The following ZNF652 variants were observed in gnomAD, a reference collection of about 807,000 sequenced individuals.
ZNF652 encodes zinc finger protein 652.
ZNF652 carries 16 observed loss-of-function variants against 45.2 expected under a neutral mutation model. The observed-to-expected ratio is 0.35, with a 90% CI of 0.24 to 0.54. The LOEUF (loss-of-function observed/expected upper bound fraction) is 0.54. Among genes scored for constraint, ZNF652 ranks in the 20% least tolerant of loss-of-function variants. The probability of loss-of-function intolerance (pLI) is 0.91; values close to 1 mark genes in which losing one functional copy is unlikely to be tolerated. For synonymous variants in ZNF652, 250 were observed against 260.6 expected, an observed-to-expected ratio of 0.96 and a Z score of 0.39; for missense variants, 614 against 765.6, an observed-to-expected ratio of 0.80 and a Z score of 2.34.
chr17:49,350,622 C>A (rs1367040376), intron 1 of ZNF652, among the ~76,000 whole-genome samples: 1 of 151,444 alleles, frequency 6.6e-6, no homozygotes, highest in Non-Finnish European at 1.5e-5. Context: ...AACAGATTTT[C>A]TTTGATTCAA....
At chr17:49,312,448 G>A (rs1363854657) in intron 3 of ZNF652, among the ~76,000 whole-genome samples, 1 of 152,084 alleles carries the variant, frequency 6.6e-6, no homozygotes, top group Non-Finnish European at 1.5e-5. Flanking sequence ...TTACAGGTGT[G>A]AGCCACCACA....
chr17:49,324,740 T>G (rs959356324), intron 1 of ZNF652, among the ~76,000 whole-genome samples: 2 of 138,312 alleles, frequency 1.4e-5, no homozygotes, highest in Admixed American at 7.3e-5. Flanking sequence ...AGCACTTTTT[T>G]TTTTTTTTTT....
Position 49,362,007 on chromosome 17 carries a change from C to A in ZNF652, c.-357G>T, listed in dbSNP as rs1217171128. On this transcript the variant is annotated 5_prime_UTR_variant, in exon 1 of 6. Transcript: ENST00000430262. ...GCCGCGGCGCTCGAGTCACAACCGC[C>A]GGCTGGGCCAGCCCCTCCCCCCCTG... 2.0e-5 allele frequency: 3 copies of A among 149,510 alleles called. No individual in the cohort carries two copies. Among genetic ancestry groups the A allele is most frequent in the Non-Finnish European group, 4.5e-5 (3 of 66,878 alleles). 9.3% of individuals were successfully genotyped at this position (149,510 alleles called of 1,614,324 possible). A position where few individuals can be genotyped will look rare whatever the true frequency, so the allele number is the denominator to read the frequency against.
intron 2 of ZNF652, 123 bp from the exon 3 acceptor site, chr17:49,312,968 TTCTTC>T (rs2069738295): frequency 3.3e-6 from 3 of 906,154 alleles, no homozygotes; most frequent in Admixed American, 2.5e-5. Flanking sequence ...ATAAGTGCTA[TTCTTC>T]CACAGAGCCC....
intron 1 of ZNF652, among the ~76,000 whole-genome samples, chr17:49,351,014 T>TATACACAC (rs2070273379): frequency 3.7e-4 from 11 of 29,696 alleles, no homozygotes; most frequent in Admixed American, 7.0e-4. Flanking sequence ...TATATATATA[T>TATACACAC]ACACACACAC....
intron 1 of ZNF652, among the ~76,000 whole-genome samples, chr17:49,344,021 A>G (rs1417448088): frequency 6.6e-6 from 1 of 151,986 alleles, no homozygotes; most frequent in Non-Finnish European, 1.5e-5. Context: ...ACACAGTGAA[A>G]CCCCGTCTCT....
chr17:49,330,366 C>T (rs938205507), intron 1 of ZNF652, among the ~76,000 whole-genome samples: 8 of 152,210 alleles, frequency 5.3e-5, no homozygotes, highest in Non-Finnish European at 1.2e-4. Flanking sequence ...GATCTCAGCT[C>T]ACTGCAATCT....
intron 1 of ZNF652, among the ~76,000 whole-genome samples, chr17:49,341,444 G>A (rs896251065): frequency 2.2e-5 from 3 of 137,886 alleles, no homozygotes; most frequent in Admixed American, 7.8e-5. Flanking sequence ...CTTGAGCCTC[G>A]GAGTTTTAGA....
chr17:49,358,260 C>T (rs1410689443), intron 1 of ZNF652, among the ~76,000 whole-genome samples: 2 of 152,110 alleles, frequency 1.3e-5, no homozygotes, highest in African/African-American at 4.8e-5. Flanking sequence ...CTCCATGAGC[C>T]TTCTTCAGCT....
chr17:49,300,249 C>G (rs2069533941), intron 5 of ZNF652, among the ~76,000 whole-genome samples: 2 of 152,188 alleles, frequency 1.3e-5, no homozygotes, highest in South Asian at 4.1e-4. Flanking sequence ...TGCCAGCCTA[C>G]TGAATACCCA....
intron 1 of ZNF652, among the ~76,000 whole-genome samples, chr17:49,324,897 C>T (rs930631826): frequency 4.6e-5 from 7 of 151,372 alleles, no homozygotes; most frequent in South Asian, 2.1e-4. Context: ...TGCACCACCA[C>T]GCCCGGCTAA....
rs1030491575 is a variant in ZNF652 at position 49,317,843 on chromosome 17, G to T, written c.-118C>A. On this transcript the variant is annotated 5_prime_UTR_variant, in exon 2 of 6. Transcript: ENST00000430262. The stretch of plus-strand genomic sequence containing the variant: ...CAAAGAATCACTCAAATGAAAAAAA[G>T]ATATTCCTGGAAACTGTGTGCAATT... 15 of 1,126,574 alleles carry T rather than the reference G, an allele frequency of 1.3e-5. No homozygotes were observed. The highest frequency in any genetic ancestry group is 1.8e-5 in the Non-Finnish European group (15 of 827,038). 69.8% of individuals were successfully genotyped at this position (1,126,574 alleles called of 1,614,324 possible). A position where few individuals can be genotyped will look rare whatever the true frequency, so the allele number is the denominator to read the frequency against.
At chr17:49,354,610 CA>C (rs562846972) in intron 1 of ZNF652, among the ~76,000 whole-genome samples, 30 of 111,958 alleles carry the variant, frequency 2.7e-4, no homozygotes, top group Non-Finnish European at 2.9e-4. Flanking sequence ...GACTCCGCCT[CA>C]AAAAAAAAAA....
rs1360113469 is a variant in ZNF652 at position 49,296,167 on chromosome 17, T to C, written c.*2246A>G. ...TAACAGTCATATGCAAGGAATTAAC[T>C]TTCCTTATTGGCTTGGGTACCTGGG... is the stretch of plus-strand genomic sequence containing the variant. On this transcript the variant is annotated 3_prime_UTR_variant, in exon 6 of 6. Transcript: ENST00000430262. 1 of 152,444 alleles carries C rather than the reference T, an allele frequency of 6.6e-6. No individual in the cohort carries two copies. The highest frequency in any genetic ancestry group is 1.5e-5 in the Non-Finnish European group (1 of 68,042). The allele number at this position is 152,444 out of a possible 1,614,324, so 9.4% of individuals were successfully genotyped here.
At chr17:49,301,354 G>A (rs2069549676) in intron 5 of ZNF652, among the ~76,000 whole-genome samples, 1 of 151,994 alleles carries the variant, frequency 6.6e-6, no homozygotes, top group Non-Finnish European at 1.5e-5. Flanking sequence ...AGTGTAATGA[G>A]TGGCACGATC....
At chr17:49,351,996 A>G (rs1018962151) in intron 1 of ZNF652, among the ~76,000 whole-genome samples, 1 of 152,198 alleles carries the variant, frequency 6.6e-6, no homozygotes, top group African/African-American at 2.4e-5. Flanking sequence ...ACTGTCTCAA[A>G]AACAAAAAAA....
intron 2 of ZNF652, among the ~76,000 whole-genome samples, chr17:49,313,326 T>G (rs2069744856): frequency 6.6e-6 from 1 of 152,028 alleles, no homozygotes; most frequent in Non-Finnish European, 1.5e-5. Context: ...CGGCTAATTT[T>G]TTTTGTATTT....
intron 1 of ZNF652, among the ~76,000 whole-genome samples, chr17:49,319,509 T>C (rs2069858248): frequency 6.6e-6 from 1 of 151,896 alleles, no homozygotes; most frequent in East Asian, 1.9e-4. Context: ...GGCTCATGCC[T>C]GTAATTCCAG....
chr17:49,310,108 C>CA (rs1350444199), intron 5 of ZNF652, among the ~76,000 whole-genome samples: 1 of 152,186 alleles, frequency 6.6e-6, no homozygotes, highest in Non-Finnish European at 1.5e-5. Context: ...CGCCCACCAC[C>CA]ATGCCCGGCT....
Sources: allele counts gnomAD v4.1 joint callset (sites outside exome capture counted in the v4.1 genomes callset), GRCh38; gene constraint gnomAD v4.1.1; transcripts MANE v1.5; gene names NCBI Gene and HGNC (gene_info 2026-07-23, HGNC 2026-07-21).